Variants in CNTNAP5 observed in about 807,000 individuals in gnomAD.
CNTNAP5 encodes contactin associated protein family member 5, also known as contactin-associated protein-like 5.
CNTNAP5 carries 72 observed loss-of-function variants against 150.2 expected under a neutral mutation model. That is an observed-to-expected ratio of 0.48 (90% CI 0.40 to 0.58). The LOEUF (loss-of-function observed/expected upper bound fraction) is 0.58, where lower values mean the gene tolerates loss of function less well. Ranked by LOEUF, CNTNAP5 falls within the 20% of genes least tolerant of loss-of-function variation. The probability of loss-of-function intolerance (pLI) is 0.00; values close to 1 mark genes in which losing one functional copy is unlikely to be tolerated. For synonymous variants in CNTNAP5, 672 were observed against 619.8 expected, an observed-to-expected ratio of 1.08 and a Z score of -1.25; for missense variants, 1,636 against 1,626.2, an observed-to-expected ratio of 1.01 and a Z score of -0.10.
chr2:124,536,737 C>T (rs1194473287), intron 10 of CNTNAP5, among the ~76,000 whole-genome samples: 1 of 152,030 alleles, frequency 6.6e-6, no homozygotes, highest in African/African-American at 2.4e-5. Context: ...AGCAGCACTT[C>T]CTGAGGAACT....
At chr2:124,259,917 A>G (rs1167806653) in intron 3 of CNTNAP5, among the ~76,000 whole-genome samples, 2 of 152,206 alleles carry the variant, frequency 1.3e-5, no homozygotes, top group Non-Finnish European at 2.9e-5. Context: ...GGAAGAATCA[A>G]TATCGTGAAA....
At chr2:124,338,096 G>T (rs1034304517) in intron 3 of CNTNAP5, among the ~76,000 whole-genome samples, 8 of 151,938 alleles carry the variant, frequency 5.3e-5, no homozygotes, top group Admixed American at 2.0e-4. Context: ...CTTGTAAGTT[G>T]GATTCCTAGG....
intron 19 of CNTNAP5, among the ~76,000 whole-genome samples, chr2:124,830,459 A>G (rs1321552841): frequency 6.6e-6 from 1 of 152,038 alleles, no homozygotes; most frequent in African/African-American, 2.4e-5. Flanking sequence ...TTTTTTTATG[A>G]AAAGCCCATT....
intron 1 of CNTNAP5, among the ~76,000 whole-genome samples, chr2:124,119,218 A>T (rs1683500793): frequency 6.6e-6 from 1 of 152,012 alleles, no homozygotes; most frequent in Non-Finnish European, 1.5e-5. Context: ...TCACTGCTTC[A>T]TTGTCCTCTT....
intron 13 of CNTNAP5, among the ~76,000 whole-genome samples, chr2:124,648,778 G>A (rs1212521226): frequency 6.6e-6 from 1 of 152,128 alleles, no homozygotes; most frequent in East Asian, 1.9e-4. Flanking sequence ...GTGAATGTCA[G>A]TTCATCATTT....
intron 13 of CNTNAP5, among the ~76,000 whole-genome samples, chr2:124,663,732 A>G (rs1678641006): frequency 6.6e-6 from 1 of 152,170 alleles, no homozygotes; most frequent in South Asian, 2.1e-4. Flanking sequence ...GATCTTAGGT[A>G]CATAACCCTT....
At chr2:124,336,514 T>TC (rs1689472883) in intron 3 of CNTNAP5, among the ~76,000 whole-genome samples, 1 of 109,226 alleles carries the variant, frequency 9.2e-6, no homozygotes, top group Non-Finnish European at 1.8e-5. Context: ...CCTAATGCTA[T>TC]CCCTCCCCCC....
Position 124,327,660 on chromosome 2 carries a change from A to G in CNTNAP5, c.381+85267A>G, listed in dbSNP as rs147437015. 2.1e-3 allele frequency among the ~76,000 whole-genome samples: 324 copies of G among 152,328 alleles called. 1 individual carries two copies. Among genetic ancestry groups the G allele is most frequent in the African/African-American group, 7.3e-3 (303 of 41,578 alleles). Reference sequence around the variant, plus strand: ...ACCCAGACATTCCTTTCTATTGATGATAACTCTTTCAACCAATTGCCAATC... The same window carrying G: ...ACCCAGACATTCCTTTCTATTGATGGTAACTCTTTCAACCAATTGCCAATC... On this transcript the variant is annotated intron_variant, in intron 3 of 23. Transcript: ENST00000682447.
At chr2:124,218,731 G>A (rs1265240675) in intron 1 of CNTNAP5, among the ~76,000 whole-genome samples, 1 of 152,102 alleles carries the variant, frequency 6.6e-6, no homozygotes, top group Non-Finnish European at 1.5e-5. Flanking sequence ...TTCTCCTGGA[G>A]GTCAGCACCT....
intron 13 of CNTNAP5, among the ~76,000 whole-genome samples, chr2:124,655,947 G>GAA (rs747283879): frequency 1.1e-5 from 1 of 88,234 alleles, no homozygotes. Context: ...GAGAGAGAGA[G>GAA]AAAGAAAGAA....
intron 19 of CNTNAP5, among the ~76,000 whole-genome samples, chr2:124,806,831 T>C (rs1425469038): frequency 6.6e-6 from 1 of 152,126 alleles, no homozygotes; most frequent in Non-Finnish European, 1.5e-5. Flanking sequence ...AGAAACTCAC[T>C]TGAAAGATGT....
At chr2:124,902,016 A>C (rs1678423048) in intron 21 of CNTNAP5, among the ~76,000 whole-genome samples, 1 of 152,174 alleles carries the variant, frequency 6.6e-6, no homozygotes, top group African/African-American at 2.4e-5. Flanking sequence ...CAAACACATT[A>C]TCTTAATAAA....
chr2:124,598,180 C>T (rs889996205), intron 11 of CNTNAP5, among the ~76,000 whole-genome samples: 2 of 138,672 alleles, frequency 1.4e-5, no homozygotes, highest in African/African-American at 2.7e-5. Flanking sequence ...TGTTCCGTTG[C>T]TGGTGAGGAA....
intron 13 of CNTNAP5, among the ~76,000 whole-genome samples, chr2:124,649,330 G>A (rs1449311286): frequency 1.3e-5 from 2 of 152,092 alleles, no homozygotes; most frequent in Non-Finnish European, 2.9e-5. Flanking sequence ...TTATATTTAT[G>A]TGTGTTTCTC....
chr2:124,124,919 A>G (rs1683650478), intron 1 of CNTNAP5, among the ~76,000 whole-genome samples: 1 of 152,220 alleles, frequency 6.6e-6, no homozygotes. Context: ...GGAAGCACTA[A>G]ACATAGAAAG....
At chr2:124,479,440 C>A (rs1286758534) in intron 7 of CNTNAP5, among the ~76,000 whole-genome samples, 6 of 151,984 alleles carry the variant, frequency 3.9e-5, no homozygotes, top group Non-Finnish European at 7.4e-5. Flanking sequence ...AAAATATTTT[C>A]CTTTTTATTT....
chr2:124,551,649 A>C (rs1182738507), intron 10 of CNTNAP5, among the ~76,000 whole-genome samples: 2 of 152,190 alleles, frequency 1.3e-5, no homozygotes, highest in Non-Finnish European at 2.9e-5. Context: ...CTGACCTTCA[A>C]TTTTATAAAG....
intron 2 of CNTNAP5, among the ~76,000 whole-genome samples, chr2:124,235,827 G>T (rs945406294): frequency 4.6e-5 from 7 of 152,026 alleles, no homozygotes; most frequent in Non-Finnish European, 7.4e-5. Context: ...CCTCTTAAAA[G>T]CTCCTTTGTT....
intron 1 of CNTNAP5, among the ~76,000 whole-genome samples, chr2:124,070,137 T>C (rs1204360127): frequency 6.6e-6 from 1 of 152,046 alleles, no homozygotes; most frequent in Non-Finnish European, 1.5e-5. Context: ...GATTACAAGA[T>C]AGTATTTGTA....
Sources: allele counts gnomAD v4.1 joint callset (sites outside exome capture counted in the v4.1 genomes callset), GRCh38; gene constraint gnomAD v4.1.1; transcripts MANE v1.5; gene names NCBI Gene and HGNC (gene_info 2026-07-23, HGNC 2026-07-21).